The following NUP214 variants were observed in gnomAD, a reference collection of about 807,000 sequenced individuals.
NUP214 encodes nuclear pore complex protein Nup214.
Under a neutral mutation model 196.2 loss-of-function variants are expected in NUP214, and 79 were observed. The observed-to-expected ratio is 0.40, with a 90% CI of 0.34 to 0.49. The LOEUF (loss-of-function observed/expected upper bound fraction) is 0.49, where lower values mean the gene tolerates loss of function less well. Ranked by LOEUF, NUP214 falls within the 20% of genes least tolerant of loss-of-function variation. The probability of loss-of-function intolerance (pLI) is 0.58; values close to 1 mark genes in which losing one functional copy is unlikely to be tolerated. For missense variants in NUP214, 2,468 were observed against 2,539.0 expected (o/e 0.97, Z 0.60); for synonymous variants, 1,020 against 990.5 (o/e 1.03, Z -0.56).
chr9:131,214,912 C>A (rs1398154102), intron 30 of NUP214, among the ~76,000 whole-genome samples: 1 of 152,002 alleles, frequency 6.6e-6, no homozygotes, highest in Non-Finnish European at 1.5e-5. Flanking sequence ...TTTTCCTGAC[C>A]CTGGCATTGT....
intron 30 of NUP214, 126 bp from the exon 31 acceptor site, chr9:131,215,086 T>C: frequency 1.3e-6 from 1 of 785,774 alleles, no homozygotes; most frequent in Non-Finnish European, 1.9e-6. Context: ...TTAGAGCATT[T>C]GTACCAGAAC....
At chr9:131,129,596 G>A in intron 4 of NUP214, 119 bp downstream of exon 4, 1 of 957,754 alleles carries the variant, frequency 1.0e-6, no homozygotes, top group Non-Finnish European at 1.6e-6. Flanking sequence ...CATGACGAGG[G>A]AGGTTAAGGA....
In NUP214 at chr9:131,144,569, C is replaced by T. The variant is rs1222187897; in HGVS notation, c.1584C>T (p.Ala528=). The stretch of plus-strand genomic sequence containing the variant: ...TCTCTTTTGTTCCCCCTTCTAAAGC[C>T]TCCCTAGCCCCCACCCCTGCAGCGT... ...STFSFVPPSK[A]SLAPTPAASP... is the part of the protein sequence containing the mutation. The change falls in exon 12 of 36, where the codon GCC becomes GCT. Residue 528 remains alanine, a synonymous_variant. Coordinates refer to ENST00000359428, the MANE Select transcript of NUP214 (RefSeq NM_005085.4). The T allele has an allele frequency of 1.2e-6, 2 of 1,614,124 alleles. No individual in the cohort carries two copies. Among genetic ancestry groups the T allele is most frequent in the African/African-American group, 2.7e-5 (2 of 75,052 alleles).
intron 21 of NUP214, among the ~76,000 whole-genome samples, chr9:131,170,766 G>A (rs1281540186): frequency 6.6e-6 from 1 of 151,042 alleles, no homozygotes; most frequent in Non-Finnish European, 1.5e-5. Flanking sequence ...TAATGGTGAC[G>A]TTTCTGCCTT....
intron 29 of NUP214, among the ~76,000 whole-genome samples, chr9:131,200,663 C>T (rs1219595814): frequency 1.3e-5 from 2 of 152,092 alleles, no homozygotes; most frequent in African/African-American, 2.4e-5. Flanking sequence ...GAGCCAAGAT[C>T]GTGCCACTGC....
intron 31 of NUP214, among the ~76,000 whole-genome samples, chr9:131,218,703 A>C (rs1834473405): frequency 6.6e-6 from 1 of 152,104 alleles, no homozygotes; most frequent in African/African-American, 2.4e-5. Context: ...CCGAGTCTTA[A>C]GACTGCATTT....
chr9:131,196,025 T>TCCCCCCCCCCCCCCCCC (rs1365777357), intron 28 of NUP214, among the ~76,000 whole-genome samples: 1 of 3,666 alleles, frequency 2.7e-4, no homozygotes, highest in African/African-American at 6.6e-4. Flanking sequence ...ACTCTGTGTG[T>TCCCCCCCCCCCCCCCCC]CCCCCCCCCC....
intron 5 of NUP214, 107 bp downstream of exon 5, chr9:131,130,943 C>T: frequency 1.3e-6 from 1 of 788,244 alleles, no homozygotes; most frequent in South Asian, 1.6e-5. Context: ...AATTTATACT[C>T]ATTGTAACAA....
At chr9:131,133,990 A>T (rs1285266264) in intron 7 of NUP214, among the ~76,000 whole-genome samples, 1 of 152,204 alleles carries the variant, frequency 6.6e-6, no homozygotes, top group Non-Finnish European at 1.5e-5. Flanking sequence ...TCTGTTGCCC[A>T]GGCTGGCATG....
Position 131,173,355 on chromosome 9 carries a change from C to CTTTTT in NUP214, c.2894-680_2894-676dup, listed in dbSNP as rs10706351. ...ACAGGCTTGAGCCACTGCACCCAGCCTTTTTTTTTTTTTTTTTTTTTTTTG... is the reference window on the plus strand; with the variant it reads ...ACAGGCTTGAGCCACTGCACCCAGCCTTTTTTTTTTTTTTTTTTTTTTTTTTTTTG... On this transcript the variant is annotated intron_variant, in intron 21 of 35. Transcript: ENST00000359428. Among the ~76,000 whole-genome samples the CTTTTT allele has an allele frequency of 2.6e-3, 98 of 38,194 alleles. 1 individual carries two copies. Among genetic ancestry groups the CTTTTT allele is most frequent in the Non-Finnish European group, 3.1e-3 (66 of 21,214 alleles). The allele number at this position is 38,194 out of a possible 152,430, so 25.1% of individuals were successfully genotyped here.
chr9:131,210,575 C>T (rs1005463158), intron 30 of NUP214, among the ~76,000 whole-genome samples: 17 of 149,726 alleles, frequency 1.1e-4, no homozygotes, highest in Non-Finnish European at 2.4e-4. Context: ...TGTGGTGAGC[C>T]GAGATCACAC....
intron 17 of NUP214, among the ~76,000 whole-genome samples, chr9:131,156,702 C>T (rs1274636876): frequency 2.0e-5 from 3 of 151,456 alleles, no homozygotes; most frequent in South Asian, 2.1e-4. Context: ...TTACTGAATT[C>T]GTTTATCAGA....
rs200377608 is a variant in NUP214 at position 131,139,255 on chromosome 9, C to CTT, written c.1006-4_1006-3dup. 5,826 of 1,087,912 alleles carry CTT rather than the reference C, an allele frequency of 5.4e-3. 13 individuals are homozygous for CTT. The highest frequency in any genetic ancestry group is 0.025 in the African/African-American group (1,183 of 46,832). The allele number at this position is 1,087,912 out of a possible 1,614,324, so 67.4% of individuals were successfully genotyped here. On this transcript the variant is annotated intron_variant, in intron 9 of 35. Coordinates refer to ENST00000359428, the MANE Select transcript of NUP214 (RefSeq NM_005085.4). ...CTTTTTCTTTTTTCTTCTTCTTCTT[C>CTT]TTTTTTTTTTTTTTTTTTTTTTTAG...
At position 131,163,064 on chromosome 9, in the gene NUP214, A is replaced by T; in HGVS notation, c.2614A>T (p.Arg872Trp). The T allele has an allele frequency of 6.2e-7, 1 of 1,614,214 alleles. No homozygotes were observed. The highest frequency in any genetic ancestry group is 8.5e-7 in the Non-Finnish European group (1 of 1,180,014). ...CAATCGGGAAATCATCAACCAACAG[A>T]GGAAGAGGCTGAATCACCTGGTGGA... is the stretch of plus-strand genomic sequence containing the variant. Reference protein sequence around the residue: ...ANNREIINQQRKRLNHLVDSL... With the variant: ...ANNREIINQQWKRLNHLVDSL... Residue 872 changes from arginine (R) to tryptophan (W), a missense_variant, in exon 19 of 36, where the codon AGG becomes TGG. Physicochemically the swap from Arg to Trp is moderately radical, Grantham distance 101. Coordinates refer to ENST00000359428, the MANE Select transcript of NUP214 (RefSeq NM_005085.4).
chr9:131,135,831 C>T, intron 8 of NUP214, 109 bp from the exon 9 acceptor site: 1 of 750,286 alleles, frequency 1.3e-6, no homozygotes, highest in South Asian at 1.8e-5. Flanking sequence ...AAACCTTACT[C>T]TCTCTTTGAC....
chr9:131,192,114 G>T, intron 26 of NUP214, 94 bp from the exon 27 acceptor site: 1 of 833,242 alleles, frequency 1.2e-6, no homozygotes, highest in South Asian at 1.9e-5. Flanking sequence ...CACCTCACAG[G>T]CTGAGCTACA....
Position 131,144,829 on chromosome 9 carries a change from C to T in NUP214, c.1769+75C>T. The T allele has an allele frequency of 2.5e-6, 3 of 1,181,482 alleles. No homozygotes were observed. The South Asian group carries it at 4.6e-5, about 18-fold the overall frequency. The allele number at this position is 1,181,482 out of a possible 1,614,324, so 73.2% of individuals were successfully genotyped here. ...GGATGTTATTTACTAAAAGTAGAGT[C>T]ACTCTGAGAGGAGTTAACTGAGTAG... On this transcript the variant is annotated intron_variant, in intron 12 of 35. Coordinates refer to ENST00000359428, the MANE Select transcript of NUP214 (RefSeq NM_005085.4).
intron 30 of NUP214, among the ~76,000 whole-genome samples, chr9:131,209,391 AATTT>A (rs1016048008): frequency 6.6e-6 from 1 of 152,084 alleles, no homozygotes; most frequent in Non-Finnish European, 1.5e-5. Context: ...CAGTCAGTCA[AATTT>A]ATTTATTTAT....
chr9:131,167,634 A>G (rs1832823530), intron 21 of NUP214: 1 of 152,062 alleles, frequency 6.6e-6, no homozygotes, highest in African/African-American at 2.4e-5. Flanking sequence ...CAAACTTGAT[A>G]TTGTCGGTCT....
Sources: gnomAD v4.1 joint callset for allele counts (sites outside exome capture counted in the v4.1 genomes callset) on GRCh38, gnomAD v4.1.1 for gene constraint, MANE v1.5 for transcripts, NCBI Gene and HGNC (gene_info 2026-07-23, HGNC 2026-07-21) for gene names.